Variants in RAD54L2 observed in about 807,000 individuals in gnomAD.
RAD54L2 encodes helicase ARIP4.
Under a neutral mutation model 138.4 loss-of-function variants are expected in RAD54L2, and 27 were observed. The observed-to-expected ratio is 0.20, with a 90% CI of 0.14 to 0.27. The LOEUF is 0.27. Ranked by LOEUF, RAD54L2 falls within the 10% of genes least tolerant of loss-of-function variation. The pLI, the probability that RAD54L2 is intolerant of heterozygous loss-of-function variation, is 1.00. For synonymous variants in RAD54L2, 644 were observed against 723.2 expected (o/e 0.89, Z 1.76); for missense variants, 1,396 against 1,890.2 (o/e 0.74, Z 4.85).
chr3:51,540,707 A>T (rs1354786918), intron 1 of RAD54L2, among the ~76,000 whole-genome samples: 6 of 152,178 alleles, frequency 3.9e-5, no homozygotes, highest in Non-Finnish European at 7.4e-5. Context: ...CATTATTGTA[A>T]ACATTATCTT....
intron 3 of RAD54L2, among the ~76,000 whole-genome samples, chr3:51,618,539 C>T (rs572442940): frequency 4.4e-4 from 67 of 151,738 alleles, no homozygotes; most frequent in Non-Finnish European, 8.4e-4. Context: ...ATTGTGCCAC[C>T]GTACCCCCGA....
intron 2 of RAD54L2, among the ~76,000 whole-genome samples, chr3:51,559,087 C>G (rs1699041224): frequency 6.6e-6 from 1 of 151,998 alleles, no homozygotes; most frequent in African/African-American, 2.4e-5. Flanking sequence ...GTTGCCCAGG[C>G]TGGTCTCAAA....
At chr3:51,657,461 CACT>C in intron 20 of RAD54L2, 116 bp from the exon 21 acceptor site, 1 of 612,270 alleles carries the variant, frequency 1.6e-6, no homozygotes, top group Admixed American at 2.3e-5. Context: ...ACCTCTGCCC[CACT>C]GAGAGGCTGT....
Position 51,646,422 on chromosome 3 carries a change from G to A in RAD54L2, c.2967G>A (p.Gln989=), listed in dbSNP as rs1310011079. 2.5e-6 allele frequency: 4 copies of A among 1,613,858 alleles called. No homozygotes were observed. Among genetic ancestry groups the A allele is most frequent in the East Asian group, 2.2e-5 (1 of 44,876 alleles). Residue 989 remains glutamine (Q), a synonymous_variant, in exon 19 of 23, where the codon CAG becomes CAA. Transcript: ENST00000684192. The part of the protein sequence containing the change: ...SVPYTRPSYA[Q]YYPASDQSLT... ...CCTATACCCGCCCATCGTATGCGCA[G>A]TATTACCCTGCCAGCGATCAGAGCC...
At chr3:51,624,974 A>AAGACC (rs1700646562) in intron 3 of RAD54L2, among the ~76,000 whole-genome samples, 1 of 152,164 alleles carries the variant, frequency 6.6e-6, no homozygotes, top group South Asian at 2.1e-4. Context: ...GACCCATGGT[A>AAGACC]CATCATTCTT....
chr3:51,580,324 G>C (rs1377441810), intron 2 of RAD54L2, among the ~76,000 whole-genome samples: 1 of 152,190 alleles, frequency 6.6e-6, no homozygotes, highest in Non-Finnish European at 1.5e-5. Flanking sequence ...AGGGAGTGGA[G>C]CACAGAGCTT....
chr3:51,605,451 GTTTTT>G (rs56187003), intron 3 of RAD54L2, among the ~76,000 whole-genome samples: 3 of 109,246 alleles, frequency 2.7e-5, no homozygotes, highest in Non-Finnish European at 5.1e-5. Flanking sequence ...GAATTTGAGG[GTTTTT>G]TTTTTTTTTT....
In RAD54L2 at chr3:51,629,251, A is replaced by G. The variant is rs1382097030; in HGVS notation, c.342-83A>G. Reference sequence around the variant, plus strand: ...TCCCGCCTCGACTCTGAGATCATCAATGGCTATTTCTCTCTTTAGCTTGCC... The same window carrying G: ...TCCCGCCTCGACTCTGAGATCATCAGTGGCTATTTCTCTCTTTAGCTTGCC... On this transcript the variant is annotated intron_variant, in intron 4 of 22. Transcript: ENST00000684192. 5 of 1,429,814 alleles carry G rather than the reference A, an allele frequency of 3.5e-6. No homozygotes were observed. In the South Asian group the frequency reaches 5.2e-5, roughly 15 times the overall value. The allele number at this position is 1,429,814 out of a possible 1,614,324, so 88.6% of individuals were successfully genotyped here.
chr3:51,565,619 C>T (rs1286642968), intron 2 of RAD54L2, among the ~76,000 whole-genome samples: 3 of 152,016 alleles, frequency 2.0e-5, no homozygotes, highest in East Asian at 1.9e-4. Flanking sequence ...ATTACAGGTG[C>T]GTGCCACCAT....
chr3:51,618,420 C>T (rs1354828581), intron 3 of RAD54L2, among the ~76,000 whole-genome samples: 1 of 151,898 alleles, frequency 6.6e-6, no homozygotes, highest in Non-Finnish European at 1.5e-5. Context: ...ATCTTTATTA[C>T]AAAATTAGCC....
chr3:51,570,355 G>A (rs1471045670), intron 2 of RAD54L2, among the ~76,000 whole-genome samples: 6 of 150,218 alleles, frequency 4.0e-5, no homozygotes, highest in Non-Finnish European at 7.4e-5. Context: ...TCTTGGCCAG[G>A]CTGGTCTTGA....
At chr3:51,553,960 C>T (rs557161634) in intron 2 of RAD54L2, among the ~76,000 whole-genome samples, 10 of 152,268 alleles carry the variant, frequency 6.6e-5, no homozygotes, top group African/African-American at 2.4e-4. Context: ...TAACAATCAC[C>T]TGAGCCTTCA....
At chr3:51,544,971 A>C (rs1203305804) in intron 2 of RAD54L2, among the ~76,000 whole-genome samples, 1 of 152,174 alleles carries the variant, frequency 6.6e-6, no homozygotes, top group Non-Finnish European at 1.5e-5. Context: ...TTGGAGACCC[A>C]TCTGAGCTCA....
At chr3:51,611,223 T>C (rs1700319093) in intron 3 of RAD54L2, among the ~76,000 whole-genome samples, 1 of 152,020 alleles carries the variant, frequency 6.6e-6, no homozygotes, top group Non-Finnish European at 1.5e-5. Context: ...AAGGAAGGGT[T>C]CAGATGGGTT....
At chr3:51,558,650 T>A (rs559010658) in intron 2 of RAD54L2, among the ~76,000 whole-genome samples, 1 of 152,224 alleles carries the variant, frequency 6.6e-6, no homozygotes, top group East Asian at 1.9e-4. Context: ...CTTTAATTAT[T>A]GTAGAGATGG....
Position 51,638,299 on chromosome 3 carries a change from A to G in RAD54L2, c.1838A>G (p.Lys613Arg). 4 of 1,613,888 alleles carry G rather than the reference A, an allele frequency of 2.5e-6. No homozygotes were observed. Among genetic ancestry groups the G allele is most frequent in the Non-Finnish European group, 2.5e-6 (3 of 1,179,872 alleles). The change falls in exon 12 of 23, where the codon AAG becomes AGG. Residue 613 changes from lysine to arginine, a missense_variant. Coordinates refer to ENST00000684192, the MANE Select transcript of RAD54L2 (RefSeq NM_015106.4). The surrounding 1 kb of genome is among the most constrained non-coding windows in gnomAD (Gnocchi z 4.3). Reference protein sequence around the residue: ...SSGWLGLNPLKAFCVCCKIWN... With the variant: ...SSGWLGLNPLRAFCVCCKIWN... ...GGTTGGCTGGGGCTGAACCCCCTTA[A>G]GGCATTCTGTGTGTGTTGCAAGGTG...
At chr3:51,601,136 T>A (rs909629674) in intron 3 of RAD54L2, among the ~76,000 whole-genome samples, 1 of 152,092 alleles carries the variant, frequency 6.6e-6, no homozygotes, top group African/African-American at 2.4e-5. Flanking sequence ...ACACGATTTT[T>A]AAAATAAATG....
At chr3:51,644,533 G>A (rs1051285062) in intron 16 of RAD54L2, among the ~76,000 whole-genome samples, 1 of 152,214 alleles carries the variant, frequency 6.6e-6, no homozygotes, top group Non-Finnish European at 1.5e-5. Context: ...ATGAGGCTTA[G>A]ATGATGTGAT....
At chr3:51,657,924 T>A (rs2106849814) in intron 21 of RAD54L2, among the ~76,000 whole-genome samples, 1 of 128,444 alleles carries the variant, frequency 7.8e-6, no homozygotes, top group East Asian at 2.2e-4. Context: ...GTCTTTTTTT[T>A]TTTTTTTTTT....
Sources: gnomAD v4.1 joint callset for allele counts (sites outside exome capture counted in the v4.1 genomes callset) on GRCh38, gnomAD v4.1.1 for gene constraint, Gnocchi (gnomAD v3.1) non-coding constraint, MANE v1.5 for transcripts, NCBI Gene and HGNC (gene_info 2026-07-23, HGNC 2026-07-21) for gene names.